ACIN1: variants seen among roughly 807,000 people sequenced by gnomAD.
ACIN1 encodes apoptotic chromatin condensation inducer in the nucleus.
A neutral mutation model predicts 146.6 loss-of-function variants in ACIN1; 16 were observed. The ratio of observed to expected loss-of-function variants is 0.11; its 90% CI spans 0.07 to 0.17. The LOEUF is 0.17. Among genes scored for constraint, ACIN1 ranks in the 10% least tolerant of loss-of-function variants. The pLI is 1.00. For missense variants in ACIN1, 1,357 were observed against 1,609.3 expected (o/e 0.84, Z 2.68); for synonymous variants, 569 against 582.7 (o/e 0.98, Z 0.34).
chr14:23,092,097 ATTT>A (rs78177271), intron 2 of ACIN1, among the ~76,000 whole-genome samples: 1 of 147,342 alleles, frequency 6.8e-6, no homozygotes, highest in African/African-American at 2.5e-5. Context: ...GCCTTTTCCT[ATTT>A]TTTTTTTTTT....
At chr14:23,064,316 C>G (rs754578279) in intron 11 of ACIN1, 39 bp downstream of exon 11, 1 of 1,613,970 alleles carries the variant, frequency 6.2e-7, no homozygotes, top group South Asian at 1.1e-5. Flanking sequence ...CCCACCTTAA[C>G]AGGTCTCATC....
intron 4 of ACIN1, among the ~76,000 whole-genome samples, chr14:23,088,119 T>A (rs1394071043): frequency 6.6e-6 from 1 of 152,174 alleles, no homozygotes; most frequent in Non-Finnish European, 1.5e-5. Context: ...CCCAATATAC[T>A]CTCACAGAGA....
intron 16 of ACIN1, among the ~76,000 whole-genome samples, chr14:23,061,846 C>T (rs371056360): frequency 6.6e-6 from 1 of 151,890 alleles, no homozygotes; most frequent in Admixed American, 6.6e-5. Flanking sequence ...TGGTGGCGGG[C>T]GCCTGTAGTC....
rs537503976 is a variant in ACIN1, at chr14:23,059,494, G to A, written c.3526-20C>T. 91 of 1,601,410 alleles carry A rather than the reference G, an allele frequency of 5.7e-5. No homozygotes were observed. The South Asian group carries it at 6.1e-4, about 11-fold the overall frequency. ...AACGATCTGTAGCCAGGTAGGAAAG[G>A]CAGAGAATAGGCAGCTCAGTCCTGG... is the stretch of plus-strand genomic sequence containing the variant. On this transcript the variant is annotated intron_variant, in intron 18 of 18. Transcript: ENST00000605057.
chr14:23,079,579 G>A lies in ACIN1; in HGVS notation c.1756C>T (p.Arg586Cys), dbSNP rs766942383. 10 of 1,576,406 alleles carry A rather than the reference G, an allele frequency of 6.3e-6. No individual in the cohort carries two copies. The highest frequency in any genetic ancestry group is 5.9e-5 in the African/African-American group (4 of 67,738). ...CTGTTGCTTGATGCTGAACGAGAAC[G>A]TGAACGTGACCTTGATCTGGACTCT... Reference protein sequence around the residue: ...TSESRSRSRSRSRSASSNSRK... With the variant: ...TSESRSRSRSCSRSASSNSRK... The change falls in exon 6 of 19, where the codon CGT becomes TGT. Residue 586 changes from arginine (R) to cysteine (C), a missense_variant. Arg to Cys is a radical substitution (Grantham distance 180). Transcript: ENST00000605057.
intron 3 of ACIN1, 112 bp from the exon 4 acceptor site, chr14:23,090,213 C>T: frequency 7.1e-7 from 1 of 1,400,836 alleles, no homozygotes; most frequent in South Asian, 1.5e-5. Context: ...AGATACATAC[C>T]AAAAAGAGCA....
chr14:23,068,651 C>T lies in ACIN1; in HGVS notation c.2265+825G>A, dbSNP rs576415845. On this transcript the variant is annotated intron_variant, in intron 9 of 18. Coordinates refer to ENST00000605057, the MANE Select transcript of ACIN1 (RefSeq NM_001386863.1). This position sits in a 1 kb window ranked among gnomAD's most constrained non-coding sequence, Gnocchi z 4.3. ...GTTGGGCAGGGTTATATTTTACGGG[C>T]GGATTACCGTACATGAGGTACTTGG... 2.0e-5 allele frequency: 20 copies of T among 985,738 alleles called. No individual in the cohort carries two copies. In the South Asian group the frequency reaches 2.3e-4, roughly 12 times the overall value. The allele number at this position is 985,738 out of a possible 1,614,324, so 61.1% of individuals were successfully genotyped here.
In ACIN1 at chr14:23,067,820, G is replaced by T. The variant is rs541833838; in HGVS notation, c.2265+1656C>A. ...TCCTCTGCCTGTAACTGGGGAGGGG[G>T]TCCTCTCACCGAGTGGGATCATGGA... On this transcript the variant is annotated intron_variant, in intron 9 of 18. Coordinates refer to ENST00000605057, the MANE Select transcript of ACIN1 (RefSeq NM_001386863.1). This position sits in a 1 kb window ranked among gnomAD's most constrained non-coding sequence, Gnocchi z 4.6. 6.1e-6 allele frequency: 6 copies of T among 985,768 alleles called. No individual in the cohort carries two copies. In the African/African-American group the frequency reaches 1.0e-4, roughly 17 times the overall value. The allele number at this position is 985,768 out of a possible 1,614,324, so 61.1% of individuals were successfully genotyped here.
At chr14:23,071,902 T>G (rs1228373548) in intron 8 of ACIN1, among the ~76,000 whole-genome samples, 2 of 152,094 alleles carry the variant, frequency 1.3e-5, no homozygotes, top group African/African-American at 2.4e-5. Context: ...GAAAAAGGAT[T>G]AAATAAGAAC....
At chr14:23,069,648 G>GGGC in intron 8 of ACIN1, 31 bp from the exon 9 acceptor site, 10 of 589,336 alleles carry the variant, frequency 1.7e-5, no homozygotes, top group Non-Finnish European at 2.6e-5. Flanking sequence ...TGGTGGGGGG[G>GGGC]CGGGCAGAAA....
At chr14:23,074,255 C>T (rs750186538) in intron 8 of ACIN1, among the ~76,000 whole-genome samples, 14 of 151,732 alleles carry the variant, frequency 9.2e-5, no homozygotes, top group Non-Finnish European at 1.5e-4. Flanking sequence ...CCAACAATTC[C>T]GAACATTTTA....
At chr14:23,083,660 C>T (rs567175818) in intron 4 of ACIN1, among the ~76,000 whole-genome samples, 9 of 152,088 alleles carry the variant, frequency 5.9e-5, no homozygotes, top group South Asian at 2.1e-4. Flanking sequence ...ACCTGGGAGG[C>T]GGAGCTTGCA....
Position 23,061,971 on chromosome 14 carries a change from CAAAAAA to C in ACIN1, c.3099+191_3099+196del, listed in dbSNP as rs57962360. Among the ~76,000 whole-genome samples the C allele has an allele frequency of 3.2e-4, 19 of 59,132 alleles. No homozygotes were observed. In the East Asian group the frequency reaches 6.5e-3, roughly 20 times the overall value. The allele number at this position is 59,132 out of a possible 152,430, so 38.8% of individuals were successfully genotyped here. On this transcript the variant is annotated intron_variant, in intron 16 of 18. Transcript: ENST00000605057. ...CCTGGGAGACAGCGAGACTCTGTCT[CAAAAAA>C]AAAAAAAAAAAAAAAAGGAGCCCAG...
chr14:23,059,117 G>A lies in ACIN1; in HGVS notation c.*31C>T, dbSNP rs774535176. 1 of 1,605,418 alleles carries A rather than the reference G, an allele frequency of 6.2e-7. No individual in the cohort carries two copies. Among genetic ancestry groups the A allele is most frequent in the Non-Finnish European group, 8.5e-7 (1 of 1,174,920 alleles). ...GGCCATAACCCCCTGGGGCCGAGTGGCTGGTACCTGCAGCTCTAGTGTTTT... is the reference window on the plus strand; with the variant it reads ...GGCCATAACCCCCTGGGGCCGAGTGACTGGTACCTGCAGCTCTAGTGTTTT... On this transcript the variant is annotated 3_prime_UTR_variant, in exon 19 of 19. Coordinates refer to ENST00000605057, the MANE Select transcript of ACIN1 (RefSeq NM_001386863.1).
At chr14:23,078,307 G>C (rs1037670595) in intron 7 of ACIN1, 41 bp from the exon 8 acceptor site, 1 of 1,579,476 alleles carries the variant, frequency 6.3e-7, no homozygotes, top group Non-Finnish European at 8.7e-7. Context: ...AAAACATTTA[G>C]ATCTGCTTGG....
At chr14:23,065,790 G>C (rs894466451) in intron 10 of ACIN1, among the ~76,000 whole-genome samples, 176 bp downstream of exon 10, 2 of 152,138 alleles carry the variant, frequency 1.3e-5, no homozygotes, top group African/African-American at 4.8e-5. Flanking sequence ...ATTGTCTCAA[G>C]TTTTGAATTC....
intron 1 of ACIN1, chr14:23,094,497 T>C (rs1022017754): frequency 3.2e-5 from 32 of 985,046 alleles, no homozygotes; most frequent in Admixed American, 6.2e-5. Flanking sequence ...TCTCACCTCC[T>C]CATCTAATCG....
chr14:23,069,639 GGT>G, intron 8 of ACIN1, 22 bp from the exon 9 acceptor site: 1 of 1,450,900 alleles, frequency 6.9e-7, no homozygotes, highest in Non-Finnish European at 9.5e-7. Flanking sequence ...GGGGAGTGGT[GGT>G]GGGGGGGCGG....
chr14:23,062,208 T>C lies in ACIN1; in HGVS notation c.3059A>G (p.Asn1020Ser). 1 of 1,614,056 alleles carries C rather than the reference T, an allele frequency of 6.2e-7. No individual in the cohort carries two copies. Among genetic ancestry groups the C allele is most frequent in the Non-Finnish European group, 8.5e-7 (1 of 1,180,010 alleles). The change falls in exon 16 of 19, where the codon AAT (asparagine) becomes AGT (serine). Residue 1020 changes from asparagine to serine, a missense_variant. By Grantham distance (46) the Asn-to-Ser change is conservative. Coordinates refer to ENST00000605057, the MANE Select transcript of ACIN1 (RefSeq NM_001386863.1). ...ATAGTCAGCACAAAGGAATTTGGGA[T>C]TGGACTGGGGCCATTTGACCCCGTG... is the stretch of plus-strand genomic sequence containing the variant. ...ALHGVKWPQS[N>S]PKFLCADYAE...
Sources: gnomAD v4.1 joint callset for allele counts (sites outside exome capture counted in the v4.1 genomes callset) on GRCh38, gnomAD v4.1.1 for gene constraint, Gnocchi (gnomAD v3.1) non-coding constraint, MANE v1.5 for transcripts, NCBI Gene and HGNC (gene_info 2026-07-23, HGNC 2026-07-21) for gene names.